PADI2: variants seen among roughly 807,000 people sequenced by gnomAD.
The protein encoded by PADI2 is protein-arginine deiminase type-2.
A neutral mutation model predicts 81.1 loss-of-function variants in PADI2; 70 were observed. The observed-to-expected ratio is 0.86, with a 90% CI of 0.71 to 1.05. The LOEUF (loss-of-function observed/expected upper bound fraction) is 1.05. Ranked by LOEUF, PADI2 falls within the 50% of genes least tolerant of loss-of-function variation. PADI2 has a pLI of 0.00. For missense variants in PADI2, 853 were observed against 889.9 expected, an observed-to-expected ratio of 0.96 and a Z score of 0.53; for synonymous variants, 338 against 358.0, an observed-to-expected ratio of 0.94 and a Z score of 0.63.
At chr1:17,088,683 C>T (rs1169529032) in intron 6 of PADI2, among the ~76,000 whole-genome samples, 6 of 151,828 alleles carry the variant, frequency 4.0e-5, no homozygotes, top group Non-Finnish European at 7.4e-5. Context: ...CTGAGGCGGG[C>T]GAATCACGAG....
At chr1:17,103,136 G>A in intron 2 of PADI2, 77 bp from the exon 3 acceptor site, 3 of 1,029,704 alleles carry the variant, frequency 2.9e-6, no homozygotes, top group Non-Finnish European at 3.0e-6. Flanking sequence ...AAAACCTGAA[G>A]CAACTGCTGT....
chr1:17,111,382 A>G (rs1350038364), intron 1 of PADI2, among the ~76,000 whole-genome samples: 4 of 152,098 alleles, frequency 2.6e-5, no homozygotes, highest in Non-Finnish European at 5.9e-5. Flanking sequence ...GGTGTGAGCT[A>G]CTGTGCCTGG....
At chr1:17,079,073 C>T (rs2078324632) in intron 11 of PADI2, 191 bp downstream of exon 11, 1 of 514,670 alleles carries the variant, frequency 1.9e-6, no homozygotes, top group Non-Finnish European at 3.5e-6. Flanking sequence ...ATATTAGATC[C>T]TAAATCACAC....
intron 1 of PADI2, among the ~76,000 whole-genome samples, chr1:17,112,758 C>T (rs1931630345): frequency 6.6e-6 from 1 of 152,208 alleles, no homozygotes; most frequent in Non-Finnish European, 1.5e-5. Flanking sequence ...CTGTCCCGGG[C>T]CTCTCCTTAG....
At position 17,071,583 on chromosome 1, in the gene PADI2, T is replaced by C. The variant is rs562282263; in HGVS notation, c.1550-92A>G. On this transcript the variant is annotated intron_variant, in intron 13 of 15. Coordinates refer to ENST00000375486, the MANE Select transcript of PADI2 (RefSeq NM_007365.3). Reference sequence around the variant, plus strand: ...CAAGATCCTCCAGGCCTGGGCTAACTGCTGGACTGGGACTGGGGAGATGGG... The same window carrying C: ...CAAGATCCTCCAGGCCTGGGCTAACCGCTGGACTGGGACTGGGGAGATGGG... The C allele has an allele frequency of 4.8e-5, 47 of 974,642 alleles. No homozygotes were observed. In the South Asian group the frequency reaches 6.3e-4, roughly 13 times the overall value. The allele number at this position is 974,642 out of a possible 1,614,324, so 60.4% of individuals were successfully genotyped here.
chr1:17,070,484 A>C (rs1468996371), intron 14 of PADI2, among the ~76,000 whole-genome samples: 1 of 152,204 alleles, frequency 6.6e-6, no homozygotes, highest in Non-Finnish European at 1.5e-5. Context: ...CCCTGTGCTA[A>C]GTGCTTCCCA....
rs775961807 is a variant in PADI2 at position 17,069,229 on chromosome 1, C to T, written c.1813G>A (p.Gly605Arg). Residue 605 changes from glycine to arginine, a missense_variant, in exon 16 of 16, where the codon GGG becomes AGG. Physicochemically the swap from Gly to Arg is moderately radical, Grantham distance 125. Transcript: ENST00000375486. ...DKDLGIPKPF[G>R]PQVEEECCLE... ...CAGCATTCCTCCTCAACCTGTGGCCCGAATGGCTTGGGGATGCCCAGGTCC... is the reference window on the plus strand; with the variant it reads ...CAGCATTCCTCCTCAACCTGTGGCCTGAATGGCTTGGGGATGCCCAGGTCC... The T allele has an allele frequency of 9.9e-6, 16 of 1,614,118 alleles. No homozygotes were observed. The highest frequency in any genetic ancestry group is 1.6e-4 in the Middle Eastern group (1 of 6,084).
chr1:17,109,711 G>A (rs911709351), intron 1 of PADI2, among the ~76,000 whole-genome samples: 20 of 151,988 alleles, frequency 1.3e-4, no homozygotes, highest in Non-Finnish European at 7.4e-5. Context: ...GGCTGGTCTT[G>A]AATTTCTGAC....
chr1:17,101,726 T>C (rs999109965), intron 3 of PADI2, among the ~76,000 whole-genome samples: 1 of 152,152 alleles, frequency 6.6e-6, no homozygotes, highest in East Asian at 1.9e-4. Context: ...GGGAGTTAGT[T>C]GTATCTTGGG....
intron 10 of PADI2, 75 bp downstream of exon 10, chr1:17,082,470 G>C: frequency 1.0e-6 from 1 of 955,346 alleles, no homozygotes; most frequent in Non-Finnish European, 1.7e-6. Context: ...AGGCGGCCCA[G>C]GGTCTCCTGA....
chr1:17,092,667 G>T, intron 5 of PADI2, 134 bp from the exon 6 acceptor site: 2 of 783,052 alleles, frequency 2.6e-6, no homozygotes, highest in Non-Finnish European at 3.8e-6. Flanking sequence ...AGCATAAAGA[G>T]GCTGGGTGCT....
Position 17,074,821 on chromosome 1 carries a change from T to C in PADI2, c.1549+35A>G, listed in dbSNP as rs1318345011. 3 of 1,412,028 alleles carry C rather than the reference T, an allele frequency of 2.1e-6. No individual in the cohort carries two copies. The South Asian group carries it at 3.5e-5, about 17-fold the overall frequency. 87.5% of individuals were successfully genotyped at this position (1,412,028 alleles called of 1,614,324 possible). ...CGAGGGTCTCTCTGGGGCCTCCAGC[T>C]CGCCACTTCCTGTCAAGGCCCTGTG... On this transcript the variant is annotated intron_variant, in intron 13 of 15. Transcript: ENST00000375486.
At chr1:17,093,546 A>T in intron 5 of PADI2, 21 bp downstream of exon 5, 1 of 1,461,804 alleles carries the variant, frequency 6.8e-7, no homozygotes, top group Non-Finnish European at 9.6e-7. Flanking sequence ...CCTGCCCCCC[A>T]AGTGCAGGGC....
rs530023816 is a variant in PADI2, at chr1:17,119,093, G to A, written c.92+187C>T. ...GTCTGGGAGAGTCTCAGGGTTTCTG[G>A]AAGGTGGACACAAGGTTCGGGGGTT... On this transcript the variant is annotated intron_variant, in intron 1 of 15. Transcript: ENST00000375486. This position sits in a 1 kb window ranked among gnomAD's most constrained non-coding sequence, Gnocchi z 4.8. Among the ~76,000 whole-genome samples, 4 of 152,082 alleles carry A rather than the reference G, an allele frequency of 2.6e-5. No homozygotes were observed. The highest frequency in any genetic ancestry group is 5.9e-5 in the Non-Finnish European group (4 of 68,016).
At chr1:17,082,117 A>AACAC (rs1051085228) in intron 10 of PADI2, among the ~76,000 whole-genome samples, 1 of 151,898 alleles carries the variant, frequency 6.6e-6, no homozygotes, top group Non-Finnish European at 1.5e-5. Context: ...AACAAAAACA[A>AACAC]ACACACACAT....
intron 13 of PADI2, among the ~76,000 whole-genome samples, chr1:17,071,840 T>C (rs563606882): frequency 4.6e-5 from 7 of 152,168 alleles, no homozygotes; most frequent in Non-Finnish European, 7.3e-5. Flanking sequence ...CTGACCAGCA[T>C]GAATGTGGCA....
At chr1:17,108,039 C>T (rs1254697767) in intron 1 of PADI2, among the ~76,000 whole-genome samples, 4 of 151,436 alleles carry the variant, frequency 2.6e-5, no homozygotes, top group Admixed American at 1.3e-4. Context: ...AACTCTGTCT[C>T]CTTGGTTCAA....
intron 1 of PADI2, among the ~76,000 whole-genome samples, chr1:17,116,355 A>G (rs1479795131): frequency 6.6e-6 from 1 of 151,984 alleles, no homozygotes; most frequent in Non-Finnish European, 1.5e-5. Flanking sequence ...CACCTTTGCG[A>G]CTCAGAAGGA....
intron 10 of PADI2, among the ~76,000 whole-genome samples, chr1:17,080,712 C>A (rs2647192): frequency 0.56 from 84,415 of 151,984 alleles, 23,655 homozygotes; most frequent in Non-Finnish European, 0.59. Context: ...TGGAGTTAGC[C>A]CGCAAGTCAT....
Sources: allele counts gnomAD v4.1 joint callset (sites outside exome capture counted in the v4.1 genomes callset), GRCh38; gene constraint gnomAD v4.1.1; non-coding constraint Gnocchi (gnomAD v3.1); transcripts MANE v1.5; gene names NCBI Gene and HGNC (gene_info 2026-07-23, HGNC 2026-07-21).